FOXP1: variants seen among roughly 807,000 people sequenced by gnomAD.
FOXP1 encodes forkhead box protein P1.
FOXP1 carries 15 observed loss-of-function variants against 98.2 expected under a neutral mutation model. The ratio of observed to expected loss-of-function variants is 0.15; its 90% CI spans 0.10 to 0.24. The LOEUF (loss-of-function observed/expected upper bound fraction) is 0.24, where lower values mean the gene tolerates loss of function less well. FOXP1 is among the 10% of genes least tolerant of loss of function. The pLI, the probability that FOXP1 is intolerant of heterozygous loss-of-function variation, is 1.00. For synonymous variants in FOXP1, 371 were observed against 314.5 expected (o/e 1.18, Z -1.90); for missense variants, 633 against 848.5 (o/e 0.75, Z 3.15).
rs570646238 is a variant in FOXP1 at position 71,431,245 on chromosome 3, G to A, written c.-168+62181C>T. Among the ~76,000 whole-genome samples the A allele has an allele frequency of 5.9e-5, 9 of 152,278 alleles. No homozygotes were observed. In the East Asian group the frequency reaches 1.2e-3, roughly 20 times the overall value. Reference sequence around the variant, plus strand: ...GAGTTCAGTGGCCGTTCTCTGGTTGGTGGGCAGGAAATCAGGGAAGGCTTC... The same window carrying A: ...GAGTTCAGTGGCCGTTCTCTGGTTGATGGGCAGGAAATCAGGGAAGGCTTC... On this transcript the variant is annotated intron_variant, in intron 3 of 20. Transcript: ENST00000649528.
At chr3:71,573,075 CTTATAT>C (rs1481367634) in intron 2 of FOXP1, among the ~76,000 whole-genome samples, 2 of 152,100 alleles carry the variant, frequency 1.3e-5, no homozygotes, top group Non-Finnish European at 2.9e-5. Context: ...TTAGGATTAC[CTTATAT>C]TTAAAGAATT....
chr3:71,293,904 A>G (rs891522463), intron 5 of FOXP1, among the ~76,000 whole-genome samples: 2 of 152,244 alleles, frequency 1.3e-5, no homozygotes, highest in Non-Finnish European at 2.9e-5. Flanking sequence ...GAATATTTCA[A>G]GCAACCATTC....
chr3:71,424,391 C>G (rs559750854), intron 3 of FOXP1, among the ~76,000 whole-genome samples: 9 of 152,158 alleles, frequency 5.9e-5, no homozygotes, highest in Non-Finnish European at 8.8e-5. Context: ...TTGTAATCCC[C>G]ACCATAACCT....
At chr3:71,206,206 G>A (rs931188510) in intron 5 of FOXP1, among the ~76,000 whole-genome samples, 1 of 152,166 alleles carries the variant, frequency 6.6e-6, no homozygotes, top group South Asian at 2.1e-4. Flanking sequence ...TTGATCAAAT[G>A]AGATCAAGGG....
At chr3:71,048,798 C>T (rs72964075) in intron 9 of FOXP1, among the ~76,000 whole-genome samples, 2 of 136,714 alleles carry the variant, frequency 1.5e-5, no homozygotes, top group Non-Finnish European at 3.1e-5. Context: ...TGAAAGCAGA[C>T]TATAATGGGG....
At chr3:71,337,380 A>G (rs2076748010) in intron 4 of FOXP1, among the ~76,000 whole-genome samples, 1 of 152,234 alleles carries the variant, frequency 6.6e-6, no homozygotes, top group Non-Finnish European at 1.5e-5. Context: ...CCACATCTGC[A>G]GTGCTCAGTA....
At chr3:71,385,405 C>T (rs1035005100) in intron 3 of FOXP1, among the ~76,000 whole-genome samples, 2 of 152,210 alleles carry the variant, frequency 1.3e-5, no homozygotes, top group African/African-American at 2.4e-5. Flanking sequence ...CTGAACCACA[C>T]GTACACAAAG....
At chr3:71,517,425 A>G (rs185436360) in intron 2 of FOXP1, among the ~76,000 whole-genome samples, 1 of 152,362 alleles carries the variant, frequency 6.6e-6, no homozygotes, top group East Asian at 1.9e-4. Flanking sequence ...CAAACTGGCA[A>G]CAGGGATTAT....
chr3:71,481,107 G>A (rs767881231), intron 3 of FOXP1, among the ~76,000 whole-genome samples: 1 of 152,140 alleles, frequency 6.6e-6, no homozygotes, highest in Admixed American at 6.5e-5. Context: ...AGAAATGAGG[G>A]CAACTTTGCT....
chr3:71,475,930 G>T (rs953727990), intron 3 of FOXP1, among the ~76,000 whole-genome samples: 1 of 151,068 alleles, frequency 6.6e-6, no homozygotes, highest in Admixed American at 6.6e-5. Context: ...CCTCTTCATG[G>T]AGATCCACCA....
intron 12 of FOXP1, among the ~76,000 whole-genome samples, chr3:71,009,833 C>T (rs1316381074): frequency 1.3e-5 from 2 of 151,904 alleles, no homozygotes; most frequent in Admixed American, 6.6e-5. Flanking sequence ...ACTGCGGCCT[C>T]GAACTTCTGG....
At chr3:71,279,112 G>GA (rs889280093) in intron 5 of FOXP1, among the ~76,000 whole-genome samples, 1 of 137,730 alleles carries the variant, frequency 7.3e-6, no homozygotes, top group African/African-American at 2.7e-5. Context: ...AGAATTGCTT[G>GA]AAACTGGGAG....
chr3:71,250,542 A>G (rs184581779), intron 5 of FOXP1, among the ~76,000 whole-genome samples: 1 of 152,366 alleles, frequency 6.6e-6, no homozygotes, highest in East Asian at 1.9e-4. Flanking sequence ...TCGGATCTTA[A>G]GCAGATGGAT....
At chr3:71,067,634 T>C (rs968675456) in intron 7 of FOXP1, among the ~76,000 whole-genome samples, 2 of 151,750 alleles carry the variant, frequency 1.3e-5, no homozygotes, top group Non-Finnish European at 2.9e-5. Flanking sequence ...CAGTGGCTCA[T>C]ACTCATAATC....
chr3:71,519,026 G>A (rs1177162759), intron 2 of FOXP1, among the ~76,000 whole-genome samples: 4 of 152,178 alleles, frequency 2.6e-5, no homozygotes, highest in African/African-American at 4.8e-5. Context: ...CGGGCGGATC[G>A]CCTGAGATCG....
At chr3:71,070,157 T>C (rs1203845945) in intron 7 of FOXP1, among the ~76,000 whole-genome samples, 2 of 152,180 alleles carry the variant, frequency 1.3e-5, no homozygotes, top group African/African-American at 4.8e-5. Context: ...AACTGGAATA[T>C]ATAAATTAAG....
chr3:71,033,497 G>C (rs1360131845), intron 11 of FOXP1, among the ~76,000 whole-genome samples: 2 of 149,330 alleles, frequency 1.3e-5, no homozygotes, highest in Non-Finnish European at 1.5e-5. Context: ...AGAGTCTAAA[G>C]ATGCTGTGTT....
chr3:71,404,096 T>C lies in FOXP1; in HGVS notation c.-167-44852A>G, dbSNP rs111599850. ...GATGGGCAATGGAGATCCCCATGTATTGGGGTTTTTTTCTTTTCTTTTTCT... is the reference window on the plus strand; with the variant it reads ...GATGGGCAATGGAGATCCCCATGTACTGGGGTTTTTTTCTTTTCTTTTTCT... On this transcript the variant is annotated intron_variant, in intron 3 of 20. Coordinates refer to ENST00000649528, the MANE Select transcript of FOXP1 (RefSeq NM_001349338.3). Among the ~76,000 whole-genome samples, 506 of 143,286 alleles carry C rather than the reference T, an allele frequency of 3.5e-3. 4 individuals carry two copies. Among genetic ancestry groups the C allele is most frequent in the African/African-American group, 0.013 (488 of 38,630 alleles). The allele number at this position is 143,286 out of a possible 152,430, so 94.0% of individuals were successfully genotyped here.
chr3:71,066,537 C>T (rs1263891280), intron 7 of FOXP1, among the ~76,000 whole-genome samples: 1 of 152,146 alleles, frequency 6.6e-6, no homozygotes, highest in Non-Finnish European at 1.5e-5. Flanking sequence ...AGAGTTCTGA[C>T]TCTTAAAGAG....
Sources: allele counts gnomAD v4.1 joint callset (sites outside exome capture counted in the v4.1 genomes callset), GRCh38; gene constraint gnomAD v4.1.1; transcripts MANE v1.5; gene names NCBI Gene and HGNC (gene_info 2026-07-23, HGNC 2026-07-21).